ABAT: variants seen among roughly 807,000 people sequenced by gnomAD.
The protein encoded by ABAT is 4-aminobutyrate aminotransferase.
A neutral mutation model predicts 64.6 loss-of-function variants in ABAT; 45 were observed. That is an observed-to-expected ratio of 0.70 (90% CI 0.55 to 0.89). The LOEUF is 0.89. Among genes scored for constraint, ABAT ranks in the 40% least tolerant of loss-of-function variants. The pLI, the probability that ABAT is intolerant of heterozygous loss-of-function variation, is 0.00. For synonymous variants in ABAT, 297 were observed against 250.5 expected (o/e 1.19, Z -1.75); for missense variants, 633 against 658.4 (o/e 0.96, Z 0.42).
At chr16:8,718,462 CAG>C (rs1474925614) in intron 1 of ABAT, among the ~76,000 whole-genome samples, 1 of 152,142 alleles carries the variant, frequency 6.6e-6, no homozygotes, top group Non-Finnish European at 1.5e-5. Context: ...GGATGGGACT[CAG>C]AGGTTGCTTT....
intron 1 of ABAT, among the ~76,000 whole-genome samples, chr16:8,680,339 A>G (rs1037786756): frequency 2.6e-5 from 4 of 152,258 alleles, no homozygotes; most frequent in Admixed American, 1.3e-4. Flanking sequence ...ATATTCAAGG[A>G]GCATTGACTG....
At chr16:8,689,638 T>C (rs968791010) in intron 1 of ABAT, among the ~76,000 whole-genome samples, 4 of 152,176 alleles carry the variant, frequency 2.6e-5, no homozygotes, top group African/African-American at 7.2e-5. Context: ...GGGAGCTGTG[T>C]AGGATTCTGT....
chr16:8,677,821 G>T (rs1229638585), intron 1 of ABAT, among the ~76,000 whole-genome samples: 1 of 152,200 alleles, frequency 6.6e-6, no homozygotes, highest in East Asian at 1.9e-4. Context: ...TCCTAGCTGA[G>T]GCGGGTGGAT....
chr16:8,737,989 G>GAAGGA (rs397934923), intron 2 of ABAT, among the ~76,000 whole-genome samples: 3 of 16,964 alleles, frequency 1.8e-4, no homozygotes, highest in East Asian at 2.6e-3. Flanking sequence ...AGGAAGGAAG[G>GAAGGA]AGGAAAGAAA....
intron 3 of ABAT, among the ~76,000 whole-genome samples, chr16:8,746,802 C>T (rs1249315273): frequency 1.3e-5 from 2 of 152,106 alleles, no homozygotes; most frequent in African/African-American, 2.4e-5. Flanking sequence ...TAACAAACAG[C>T]CACAAAAATC....
intron 1 of ABAT, among the ~76,000 whole-genome samples, chr16:8,691,311 G>C (rs1241461347): frequency 6.6e-6 from 1 of 152,206 alleles, no homozygotes; most frequent in African/African-American, 2.4e-5. Flanking sequence ...AACCAAGTGA[G>C]GGAGTTGGGA....
At chr16:8,739,940 T>C (rs1379022784) in intron 2 of ABAT, among the ~76,000 whole-genome samples, 2 of 151,418 alleles carry the variant, frequency 1.3e-5, no homozygotes, top group South Asian at 2.1e-4. Flanking sequence ...GAATATGGTT[T>C]TTTAAGAATA....
chr16:8,765,674 TA>T (rs1227007006), intron 8 of ABAT: 2 of 152,290 alleles, frequency 1.3e-5, no homozygotes, highest in Non-Finnish European at 2.9e-5. Flanking sequence ...CAAGACCCTG[TA>T]AAAAAACAAA....
chr16:8,675,371 T>C (rs1050006669), intron 1 of ABAT, among the ~76,000 whole-genome samples: 2 of 152,058 alleles, frequency 1.3e-5, no homozygotes, highest in African/African-American at 4.8e-5. Context: ...CCAGTAAAGA[T>C]GTAAAATGAG....
intron 1 of ABAT, among the ~76,000 whole-genome samples, chr16:8,695,818 C>G (rs1197063877): frequency 6.6e-6 from 1 of 152,206 alleles, no homozygotes; most frequent in African/African-American, 2.4e-5. Context: ...AGTGGTTTGA[C>G]TCCAGTACAC....
Position 8,706,430 on chromosome 16 carries a change from A to T in ABAT, c.-41-29269A>T, listed in dbSNP as rs578131381. 2.0e-5 allele frequency among the ~76,000 whole-genome samples: 3 copies of T among 146,744 alleles called. No individual in the cohort carries two copies. In the East Asian group the frequency reaches 6.0e-4, roughly 29 times the overall value. On this transcript the variant is annotated intron_variant, in intron 1 of 15. Coordinates refer to ENST00000268251, the MANE Select transcript of ABAT (RefSeq NM_020686.6). ...AAAAAAAAAAAAAAAAAAAGAAAAG[A>T]CCAGGCATGATGGCTCATCATGCCT...
intron 1 of ABAT, among the ~76,000 whole-genome samples, chr16:8,733,231 C>T (rs1392500087): frequency 2.0e-5 from 3 of 146,882 alleles, no homozygotes; most frequent in Admixed American, 6.7e-5. Flanking sequence ...ACTTCTCAGA[C>T]GGGGCGGCCG....
chr16:8,772,111 A>G (rs1168384168), intron 11 of ABAT, among the ~76,000 whole-genome samples: 5 of 152,122 alleles, frequency 3.3e-5, no homozygotes, highest in Non-Finnish European at 7.4e-5. Context: ...TTCTGCCCCA[A>G]AAGGATTCTC....
chr16:8,761,991 C>T lies in ABAT; in HGVS notation c.367-2078C>T, dbSNP rs577478238. Among the ~76,000 whole-genome samples the T allele has an allele frequency of 6.0e-4, 90 of 149,084 alleles. 2 individuals are homozygous for T. The South Asian group carries it at 0.018, about 30-fold the overall frequency. ...CTTCCTTCTTCTTCCTTCTCCTTCT[C>T]CTTCTCCTTCTTCTCCTTCTTCTTC... On this transcript the variant is annotated intron_variant, in intron 6 of 15. Transcript: ENST00000268251.
intron 1 of ABAT, chr16:8,715,285 A>G (rs567560862): frequency 3.9e-5 from 6 of 152,100 alleles, no homozygotes; most frequent in African/African-American, 1.4e-4. Context: ...CCCAAATGCA[A>G]TGTTTGATCC....
chr16:8,721,495 G>A (rs374676716), intron 1 of ABAT, among the ~76,000 whole-genome samples: 1 of 152,168 alleles, frequency 6.6e-6, no homozygotes, highest in Admixed American at 6.5e-5. Flanking sequence ...TCTGGTGAGC[G>A]AGCGTCAGGT....
chr16:8,772,972 CCCCGAGTAACGGG>C lies in ABAT; in HGVS notation c.954+58_954+70del, dbSNP rs1364531474. ...GCCATTGGGTTTTCTGGGTTGAGTT[CCCCGAGTAACGGG>C]CCAGCAGCACCTCTGCCTTGGAGCT... On this transcript the variant is annotated intron_variant, in intron 12 of 15. Transcript: ENST00000268251. 77 of 1,610,016 alleles carry C rather than the reference CCCCGAGTAACGGG, an allele frequency of 4.8e-5. No homozygotes were observed. In the African/African-American group the frequency reaches 7.0e-4, roughly 15 times the overall value.
At position 8,774,893 on chromosome 16, in the gene ABAT, G is replaced by T. The variant is rs772268533; in HGVS notation, c.958G>T (p.Gly320Cys). ...RKLRDIARKHGCAFLVDEVQT... is the reference protein window; with the variant it reads ...RKLRDIARKHCCAFLVDEVQT... ...CTCCTCTCTCTTCTCCGGCCAGCAT[G>T]GCTGCGCCTTCTTGGTGGACGAGGT... Residue 320 changes from glycine (G) to cysteine (C), a missense_variant, in exon 13 of 16, where the codon GGC becomes TGC. Transcript: ENST00000268251. 3.7e-6 allele frequency: 6 copies of T among 1,614,032 alleles called. No individual in the cohort carries two copies. The highest frequency in any genetic ancestry group is 1.1e-5 in the South Asian group (1 of 91,074).
rs551512527 is a variant in ABAT, at chr16:8,728,642, G to A, written c.-41-7057G>A. On this transcript the variant is annotated intron_variant, in intron 1 of 15. Coordinates refer to ENST00000268251, the MANE Select transcript of ABAT (RefSeq NM_020686.6). ...TGTAATTCCAGCACTTTGGGAGGCA[G>A]AGGCGGGTGGATCACAAGGTCAGGA... Among the ~76,000 whole-genome samples, 9 of 152,294 alleles carry A rather than the reference G, an allele frequency of 5.9e-5. No homozygotes were observed. The South Asian group carries it at 1.9e-3, about 32-fold the overall frequency.
Sources: gnomAD v4.1 joint callset for allele counts (sites outside exome capture counted in the v4.1 genomes callset) on GRCh38, gnomAD v4.1.1 for gene constraint, MANE v1.5 for transcripts, NCBI Gene and HGNC (gene_info 2026-07-23, HGNC 2026-07-21) for gene names.